ZZEF1: variants seen among roughly 807,000 people sequenced by gnomAD.
ZZEF1 encodes the protein zinc finger ZZ-type and EF-hand domain containing 1.
In ZZEF1, 157 loss-of-function variants were observed where a neutral mutation model predicts 342.8. That is an observed-to-expected ratio of 0.46 (90% confidence interval 0.40 to 0.52). The LOEUF (loss-of-function observed/expected upper bound fraction) is 0.52, where lower values mean the gene tolerates loss of function less well. ZZEF1 is among the 20% of genes least tolerant of loss of function. The pLI, the probability that ZZEF1 is intolerant of heterozygous loss-of-function variation, is 0.00. For missense variants in ZZEF1, 3,480 were observed against 3,725.6 expected (o/e 0.93, Z 1.72); for synonymous variants, 1,505 against 1,429.1 (o/e 1.05, Z -1.20).
intron 38 of ZZEF1, among the ~76,000 whole-genome samples, chr17:4,044,023 G>A (rs904569041): frequency 3.3e-5 from 5 of 152,214 alleles, no homozygotes; most frequent in African/African-American, 1.2e-4. Flanking sequence ...AGTAAATACA[G>A]GAAATAAATA....
In ZZEF1 at chr17:4,049,791, G is replaced by A; in HGVS notation, c.5932C>T (p.Pro1978Ser). ...GDSSLEDQAL[P>S]VTVPTGASEE... ...GACGCTCCGGTGGGCACAGTGACTGGTAGGGCCTGATCTTCTAGGCTCGAG... is the reference window on the plus strand; with the variant it reads ...GACGCTCCGGTGGGCACAGTGACTGATAGGGCCTGATCTTCTAGGCTCGAG... Residue 1978 changes from proline to serine, a missense_variant, in exon 37 of 55, where the codon CCA becomes TCA. Coordinates refer to ENST00000381638, the MANE Select transcript of ZZEF1 (RefSeq NM_015113.4). 1.2e-6 allele frequency: 2 copies of A among 1,614,122 alleles called. No homozygotes were observed. Among genetic ancestry groups the A allele is most frequent in the Non-Finnish European group, 8.5e-7 (1 of 1,180,022 alleles).
At chr17:4,037,705 T>C (rs1279165837) in intron 39 of ZZEF1, among the ~76,000 whole-genome samples, 2 of 152,190 alleles carry the variant, frequency 1.3e-5, no homozygotes, top group Admixed American at 6.5e-5. Flanking sequence ...TGCCTCAGCC[T>C]CCCAAGTAGC....
chr17:4,138,354 C>A (rs1193566051), intron 1 of ZZEF1, among the ~76,000 whole-genome samples: 1 of 152,206 alleles, frequency 6.6e-6, no homozygotes. Flanking sequence ...AATATGAAGA[C>A]GAGCACAGGG....
chr17:4,072,095 G>C (rs2057520694), intron 25 of ZZEF1, among the ~76,000 whole-genome samples: 1 of 152,110 alleles, frequency 6.6e-6, no homozygotes, highest in Non-Finnish European at 1.5e-5. Flanking sequence ...AGCTGAGGAA[G>C]AGCCACTGGA....
At chr17:4,135,381 C>A (rs2058731844) in intron 1 of ZZEF1, among the ~76,000 whole-genome samples, 2 of 152,196 alleles carry the variant, frequency 1.3e-5, no homozygotes, top group African/African-American at 4.8e-5. Context: ...GAGGCTGAGG[C>A]AGGAGAATTC....
At position 4,006,540 on chromosome 17, in the gene ZZEF1, A is replaced by G; in HGVS notation, c.*350T>C. 1 of 313,568 alleles carries G rather than the reference A, an allele frequency of 3.2e-6. No individual in the cohort carries two copies. Among genetic ancestry groups the G allele is most frequent in the South Asian group, 2.9e-5 (1 of 34,288 alleles). The allele number at this position is 313,568 out of a possible 1,614,324, so 19.4% of individuals were successfully genotyped here. On this transcript the variant is annotated 3_prime_UTR_variant, in exon 55 of 55. Coordinates refer to ENST00000381638, the MANE Select transcript of ZZEF1 (RefSeq NM_015113.4). Reference sequence around the variant, plus strand: ...AGTGCAGGCAGTTCCAGCTCCACGGAGACAGAAACCAGTTGAGAGAGGCCG... The same window carrying G: ...AGTGCAGGCAGTTCCAGCTCCACGGGGACAGAAACCAGTTGAGAGAGGCCG...
rs188455682 is a variant in ZZEF1 at position 4,085,575 on chromosome 17, G to A, written c.2646+95C>T. The A allele has an allele frequency of 3.7e-4, 547 of 1,482,414 alleles. 3 individuals carry two copies. Among genetic ancestry groups the A allele is most frequent in the Non-Finnish European group, 6.8e-5 (74 of 1,082,096 alleles). The allele number at this position is 1,482,414 out of a possible 1,614,324, so 91.8% of individuals were successfully genotyped here. A position where few individuals can be genotyped will look rare whatever the true frequency, so the allele number is the denominator to read the frequency against. On this transcript the variant is annotated intron_variant, in intron 16 of 54. Transcript: ENST00000381638. ...TATAATATTAATACACATCTGGGAC[G>A]TTGCAACAGACGATATATTCAGAGG...
Position 4,141,219 on chromosome 17 carries a change from T to C in ZZEF1, c.354+1323A>G, listed in dbSNP as rs116161621. On this transcript the variant is annotated intron_variant, in intron 1 of 54. Transcript: ENST00000381638. ...CCACTGCGCCCAGCCATGACTATTA[T>C]TTTTAAGGGTTGGGATGCCTTAAAG... 5.3e-3 allele frequency among the ~76,000 whole-genome samples: 810 copies of C among 152,356 alleles called. 9 individuals carry two copies. Among genetic ancestry groups the C allele is most frequent in the African/African-American group, 0.019 (775 of 41,576 alleles).
At chr17:4,112,855 G>C (rs747334719) in intron 4 of ZZEF1, 47 bp from the exon 5 acceptor site, 6 of 1,461,098 alleles carry the variant, frequency 4.1e-6, no homozygotes, top group Non-Finnish European at 5.5e-6. Flanking sequence ...TAGGAGTCAA[G>C]AACTGACAGG....
chr17:4,030,657 G>A (rs1026562286), intron 42 of ZZEF1, among the ~76,000 whole-genome samples: 8 of 152,144 alleles, frequency 5.3e-5, no homozygotes, highest in Admixed American at 2.6e-4. Flanking sequence ...ATGCCACCAC[G>A]CCTGGCTACT....
At chr17:4,109,939 A>G in intron 5 of ZZEF1, 76 bp from the exon 6 acceptor site, 2 of 1,402,126 alleles carry the variant, frequency 1.4e-6, no homozygotes, top group Non-Finnish European at 2.0e-6. Flanking sequence ...CTAAAAGCAA[A>G]ATAGTAATAG....
At chr17:4,057,581 AACATAT>A (rs2057191605) in intron 32 of ZZEF1, among the ~76,000 whole-genome samples, 1 of 152,232 alleles carries the variant, frequency 6.6e-6, no homozygotes, top group African/African-American at 2.4e-5. Context: ...TGGCTAACAT[AACATAT>A]ACATGTAACA....
In ZZEF1 at chr17:4,006,705, C is replaced by A; in HGVS notation, c.*185G>T. On this transcript the variant is annotated 3_prime_UTR_variant, in exon 55 of 55. Coordinates refer to ENST00000381638, the MANE Select transcript of ZZEF1 (RefSeq NM_015113.4). Reference sequence around the variant, plus strand: ...TGGCTTATTTTCACCATGCTACAGCCTGTGCTTGTGTCCAGCCTACGCACG... The same window carrying A: ...TGGCTTATTTTCACCATGCTACAGCATGTGCTTGTGTCCAGCCTACGCACG... 1.5e-6 allele frequency: 1 copy of A among 676,724 alleles called. No homozygotes were observed. Among genetic ancestry groups the A allele is most frequent in the African/African-American group, 1.8e-5 (1 of 56,692 alleles). 41.9% of individuals were successfully genotyped at this position (676,724 alleles called of 1,614,324 possible).
At chr17:4,131,688 G>T (rs921790206) in intron 1 of ZZEF1, among the ~76,000 whole-genome samples, 1 of 152,020 alleles carries the variant, frequency 6.6e-6, no homozygotes, top group African/African-American at 2.4e-5. Context: ...GCTGAGGTGG[G>T]AGGATCACTT....
At position 4,050,839 on chromosome 17, in the gene ZZEF1, C is replaced by T; in HGVS notation, c.5805G>A (p.Leu1935=). 6.2e-7 allele frequency: 1 copy of T among 1,614,146 alleles called. No individual in the cohort carries two copies. The highest frequency in any genetic ancestry group is 8.5e-7 in the Non-Finnish European group (1 of 1,180,012). ...CGACGAGCTGCATGCACTGGCTCCG[C>T]AGGGTGGTGGCACTGCTGCGCGTCT... ...DPQTRSSATT[L]RSQCMQLVGD... is the part of the protein sequence containing the mutation. The change falls in exon 36 of 55, where the codon CTG becomes CTA. Residue 1935 remains leucine (L), a synonymous_variant. Coordinates refer to ENST00000381638, the MANE Select transcript of ZZEF1 (RefSeq NM_015113.4).
In ZZEF1 at chr17:4,123,913, C is replaced by T. The variant is rs1332579578; in HGVS notation, c.493G>A (p.Val165Ile). The stretch of plus-strand genomic sequence containing the variant: ...ACCTAGATGGAAGCCTCACCTGGAA[C>T]CAGAGAGCAGGCCTGTAGTTGTCTG... Reference protein sequence around the residue: ...IIRQLQACSLVPGFTDIFSES... With the variant: ...IIRQLQACSLIPGFTDIFSES... The change falls in exon 2 of 55, where the codon GTT becomes ATT. Residue 165 changes from valine to isoleucine, a missense_variant. Val to Ile is a conservative substitution (Grantham distance 29). This residue lies in a region of ZZEF1 where 416 missense variants were observed against 374.2 expected (regional missense o/e 1.11). Coordinates refer to ENST00000381638, the MANE Select transcript of ZZEF1 (RefSeq NM_015113.4). 1 of 1,613,014 alleles carries T rather than the reference C, an allele frequency of 6.2e-7. No individual in the cohort carries two copies. Among genetic ancestry groups the T allele is most frequent in the Admixed American group, 1.7e-5 (1 of 59,736 alleles).
chr17:4,008,849 C>T lies in ZZEF1; in HGVS notation c.8805+34G>A, dbSNP rs752879028. On this transcript the variant is annotated intron_variant, in intron 54 of 54. Transcript: ENST00000381638. This position sits in a 1 kb window ranked among gnomAD's most constrained non-coding sequence, Gnocchi z 4.2. ...AATGGTGAGATGGTGGCGCCCCAGC[C>T]TGGGGGCCAGCTCTGTTGGGGTGGA... is the stretch of plus-strand genomic sequence containing the variant. 2 of 1,542,620 alleles carry T rather than the reference C, an allele frequency of 1.3e-6. No individual in the cohort carries two copies. Among genetic ancestry groups the T allele is most frequent in the Non-Finnish European group, 1.7e-6 (2 of 1,146,526 alleles).
At position 4,034,084 on chromosome 17, in the gene ZZEF1, C is replaced by T; in HGVS notation, c.6515G>A (p.Ser2172Asn). The T allele has an allele frequency of 5.0e-6, 8 of 1,614,218 alleles. No homozygotes were observed. The highest frequency in any genetic ancestry group is 6.8e-6 in the Non-Finnish European group (8 of 1,180,044). The change falls in exon 40 of 55, where the codon AGT becomes AAT. Residue 2172 changes from serine (S) to asparagine (N), a missense_variant. Around this residue, in one of 5 missense-constraint regions of ZZEF1, gnomAD observed 1,269 missense variants for 1,342.4 expected, o/e 0.95. Transcript: ENST00000381638. The part of the protein sequence containing the change: ...AKHNLFAAGD[S>N]SIVPDGWKTT... Reference sequence around the variant, plus strand: ...TTTCCAGCCATCTGGCACAATGGAACTGTCCCCTGCAGCAAACAGGTTGTG... The same window carrying T: ...TTTCCAGCCATCTGGCACAATGGAATTGTCCCCTGCAGCAAACAGGTTGTG...
In ZZEF1 at chr17:4,006,321, A is replaced by AG. The variant is rs1303252269; in HGVS notation, c.*568dup. On this transcript the variant is annotated 3_prime_UTR_variant, in exon 55 of 55. Coordinates refer to ENST00000381638, the MANE Select transcript of ZZEF1 (RefSeq NM_015113.4). ...TGTTCTCCTCAAGGAGTTCTCTGGG[A>AG]GGGTGCGGCCGTGCAGGGAGCTAGC... The AG allele has an allele frequency of 6.3e-6, 1 of 158,940 alleles. No individual in the cohort carries two copies. Among genetic ancestry groups the AG allele is most frequent in the Non-Finnish European group, 1.4e-5 (1 of 71,798 alleles). The allele number at this position is 158,940 out of a possible 1,614,324, so 9.8% of individuals were successfully genotyped here.
Sources: gnomAD v4.1 joint callset for allele counts (sites outside exome capture counted in the v4.1 genomes callset) on GRCh38, gnomAD v4.1.1 for gene constraint, gnomAD v4.1.1 regional missense constraint, Gnocchi (gnomAD v3.1) non-coding constraint, MANE v1.5 for transcripts, NCBI Gene and HGNC (gene_info 2026-07-23, HGNC 2026-07-21) for gene names.